NBAS: variants seen among roughly 807,000 people sequenced by gnomAD.
NBAS encodes the protein NBAS subunit of NRZ tethering complex.
NBAS carries 219 observed loss-of-function variants against 302.5 expected under a neutral mutation model. That is an observed-to-expected ratio of 0.72 (90% CI 0.65 to 0.81). The LOEUF (loss-of-function observed/expected upper bound fraction) is 0.81, where lower values mean the gene tolerates loss of function less well. NBAS is among the 30% of genes least tolerant of loss of function. The pLI, the probability that NBAS is intolerant of heterozygous loss-of-function variation, is 0.00. For missense variants in NBAS, 2,932 were observed against 2,841.6 expected (o/e 1.03, Z -0.72); for synonymous variants, 1,118 against 1,021.6 (o/e 1.09, Z -1.80).
At chr2:15,279,027 A>G (rs1414449989) in intron 42 of NBAS, among the ~76,000 whole-genome samples, 1 of 152,228 alleles carries the variant, frequency 6.6e-6, no homozygotes, top group Non-Finnish European at 1.5e-5. Flanking sequence ...GTGTACACAC[A>G]GTAGTATGGG....
the NBAS span, among the ~76,000 whole-genome samples, chr2:14,955,698 C>T: frequency 6.6e-6 from 1 of 152,206 alleles, no homozygotes; most frequent in East Asian, 1.9e-4. Context: ...GAAGCAATGG[C>T]CTGAGCTGTA....
At chr2:15,414,095 T>C (rs1211148916) in intron 25 of NBAS, among the ~76,000 whole-genome samples, 2 of 152,184 alleles carry the variant, frequency 1.3e-5, no homozygotes, top group East Asian at 3.9e-4. Flanking sequence ...CAACCCACCC[T>C]GACCTCACCA....
the NBAS span, among the ~76,000 whole-genome samples, chr2:14,795,546 T>C: frequency 6.6e-6 from 1 of 151,372 alleles, no homozygotes; most frequent in East Asian, 1.9e-4. Flanking sequence ...AGCCTATGCT[T>C]TGACTTTCAT....
chr2:15,109,475 G>A, the NBAS span, among the ~76,000 whole-genome samples: 1 of 152,092 alleles, frequency 6.6e-6, no homozygotes, highest in African/African-American at 2.4e-5. Flanking sequence ...GGAACTATGG[G>A]GTGCTATGTG....
chr2:15,389,761 T>G (rs980070278), intron 28 of NBAS, among the ~76,000 whole-genome samples: 3 of 152,162 alleles, frequency 2.0e-5, no homozygotes, highest in African/African-American at 7.2e-5. Context: ...ACAAGTCTTT[T>G]TTGTTGTTGT....
At chr2:15,097,092 T>C in the NBAS span, among the ~76,000 whole-genome samples, 1 of 151,948 alleles carries the variant, frequency 6.6e-6, no homozygotes, top group Admixed American at 6.6e-5. Flanking sequence ...GGAACCAGGG[T>C]AGAGTTAGCC....
At chr2:14,864,022 C>T in the NBAS span, among the ~76,000 whole-genome samples, 1 of 152,040 alleles carries the variant, frequency 6.6e-6, no homozygotes, top group Non-Finnish European at 1.5e-5. Context: ...CACTTAGTTA[C>T]TAAGTAACAG....
chr2:14,994,083 T>A, the NBAS span, among the ~76,000 whole-genome samples: 1 of 152,250 alleles, frequency 6.6e-6, no homozygotes, highest in Non-Finnish European at 1.5e-5. Context: ...TACATGCATC[T>A]TTCTTTCCCT....
rs2148585435 is a variant in NBAS, at chr2:15,474,133, G to T, written c.1533C>A (p.Thr511=). 1.2e-6 allele frequency: 2 copies of T among 1,614,028 alleles called. No homozygotes were observed. Among genetic ancestry groups the T allele is most frequent in the South Asian group, 1.1e-5 (1 of 91,070 alleles). ...TCACAAGGCGGTAGTTTTTAGTAAT[G>T]GTTCGTGGGCGTTTCCGTGGTGGTG... ...RFAPPRKRPR[T]ITKNYRLVSL... The change falls in exon 15 of 52, where the codon ACC becomes ACA. Residue 511 remains threonine, a synonymous_variant. Transcript: ENST00000281513.
chr2:15,050,167 A>G, the NBAS span, among the ~76,000 whole-genome samples: 1 of 152,132 alleles, frequency 6.6e-6, no homozygotes, highest in Admixed American at 6.5e-5. Flanking sequence ...CAGCAACGTC[A>G]TCCTGAAGCT....
chr2:15,310,780 C>T (rs1471365489), intron 38 of NBAS, among the ~76,000 whole-genome samples: 1 of 152,240 alleles, frequency 6.6e-6, no homozygotes, highest in Non-Finnish European at 1.5e-5. Context: ...GCTTCCCCAC[C>T]TGGGTGTGTC....
the NBAS span, among the ~76,000 whole-genome samples, chr2:15,056,063 G>A: frequency 6.7e-6 from 1 of 149,672 alleles, no homozygotes; most frequent in African/African-American, 2.5e-5. Flanking sequence ...ATTAAAAATG[G>A]ATTCAATTAT....
the NBAS span, among the ~76,000 whole-genome samples, chr2:14,940,027 TTACACACCCCTAA>T: frequency 2.0e-5 from 3 of 152,174 alleles, no homozygotes; most frequent in Non-Finnish European, 4.4e-5. Flanking sequence ...AGATGAAATC[TTACACACCCCTAA>T]TACACACTGG....
chr2:14,902,323 G>T, the NBAS span, among the ~76,000 whole-genome samples: 1 of 152,122 alleles, frequency 6.6e-6, no homozygotes, highest in Non-Finnish European at 1.5e-5. Flanking sequence ...GTAGAGATGG[G>T]GTTTCACCGT....
chr2:14,873,443 CT>C, the NBAS span, among the ~76,000 whole-genome samples: 8 of 152,056 alleles, frequency 5.3e-5, no homozygotes, highest in Non-Finnish European at 4.4e-5. Flanking sequence ...TCTCAAACTC[CT>C]GACCTCAGGT....
the NBAS span, among the ~76,000 whole-genome samples, chr2:14,944,173 G>GCTA: frequency 6.6e-6 from 1 of 151,768 alleles, no homozygotes; most frequent in East Asian, 1.9e-4. Flanking sequence ...GGTGGCGGGC[G>GCTA]CCTGTAGTCC....
At chr2:15,149,737 C>G in the NBAS span, among the ~76,000 whole-genome samples, 9 of 152,276 alleles carry the variant, frequency 5.9e-5, no homozygotes, top group East Asian at 1.7e-3. Flanking sequence ...GCTGGAATGA[C>G]AGGTGTAAGC....
intron 9 of NBAS, among the ~76,000 whole-genome samples, chr2:15,517,439 A>T (rs1188850419): frequency 6.6e-6 from 1 of 152,226 alleles, no homozygotes; most frequent in South Asian, 2.1e-4. Context: ...AAATTATGAC[A>T]GCTGCCTCTA....
chr2:15,547,520 T>C (rs995177623), intron 6 of NBAS, among the ~76,000 whole-genome samples: 5 of 152,212 alleles, frequency 3.3e-5, no homozygotes, highest in African/African-American at 1.2e-4. Context: ...CTAAAAACTC[T>C]GACAAATATT....
Sources: allele counts gnomAD v4.1 joint callset (sites outside exome capture counted in the v4.1 genomes callset), GRCh38; gene constraint gnomAD v4.1.1; transcripts MANE v1.5; gene names NCBI Gene and HGNC (gene_info 2026-07-23, HGNC 2026-07-21).